GRB10: variants seen among roughly 807,000 people sequenced by gnomAD.
GRB10 encodes the protein growth factor receptor-bound protein 10.
Under a neutral mutation model 80.9 loss-of-function variants are expected in GRB10, and 20 were observed. The observed-to-expected ratio is 0.25, with a 90% CI of 0.17 to 0.36. The LOEUF is 0.36. GRB10 is among the 10% of genes least tolerant of loss of function. The pLI, the probability that GRB10 is intolerant of heterozygous loss-of-function variation, is 1.00. For synonymous variants in GRB10, 291 were observed against 291.5 expected (o/e 1.00, Z 0.02); for missense variants, 548 against 747.7 (o/e 0.73, Z 3.12).
rs573700376 is a variant in GRB10 at position 50,693,135 on chromosome 7, GAGACTAAA to G, written c.139+10678_139+10685del. On this transcript the variant is annotated intron_variant, in intron 5 of 18. Coordinates refer to ENST00000401949, the MANE Select transcript of GRB10 (RefSeq NM_001350814.2). ...CCCCAGTCAAAGAGCATTGCTGGAA[GAGACTAAA>G]AGACAGAAAAACAGCCAGCCCAAAG... Among the ~76,000 whole-genome samples, 314 of 152,302 alleles carry G rather than the reference GAGACTAAA, an allele frequency of 2.1e-3. 1 individual carries two copies. The highest frequency in any genetic ancestry group is 7.2e-3 in the African/African-American group (300 of 41,570).
chr7:50,664,300 C>T (rs1389456007), intron 7 of GRB10, among the ~76,000 whole-genome samples: 1 of 152,224 alleles, frequency 6.6e-6, no homozygotes, highest in African/African-American at 2.4e-5. Context: ...ACATGGCTCC[C>T]CTCAGCCTCT....
At chr7:50,629,814 G>C (rs553558125) in intron 7 of GRB10, among the ~76,000 whole-genome samples, 107 of 152,276 alleles carry the variant, frequency 7.0e-4, no homozygotes, top group African/African-American at 2.5e-3. Context: ...GCACTGCTGG[G>C]GGCTCAGGTC....
At chr7:50,763,898 A>G (rs2076050842) in intron 2 of GRB10, among the ~76,000 whole-genome samples, 2 of 152,184 alleles carry the variant, frequency 1.3e-5, no homozygotes, top group Non-Finnish European at 2.9e-5. Flanking sequence ...GGAGCCCATG[A>G]GGTGACACCA....
At chr7:50,747,965 T>C (rs910247475) in intron 3 of GRB10, among the ~76,000 whole-genome samples, 3 of 152,144 alleles carry the variant, frequency 2.0e-5, no homozygotes, top group African/African-American at 7.2e-5. Context: ...GCAGGAAGCA[T>C]ACCTGCAGGT....
rs1328543689 is a variant in GRB10 at position 50,747,101 on chromosome 7, C to T, written c.-47+8786G>A. ...CTCTCCAAAGCCCCAGTTTCTGCAG[C>T]GAAATTCTCTCTAAACTTATTTGAA... On this transcript the variant is annotated intron_variant, in intron 3 of 18. Transcript: ENST00000401949. Among the ~76,000 whole-genome samples, 6 of 152,184 alleles carry T rather than the reference C, an allele frequency of 3.9e-5. No individual in the cohort carries two copies. In the East Asian group the frequency reaches 5.8e-4, roughly 15 times the overall value.
chr7:50,789,271 T>C (rs1289374130), intron 1 of GRB10, among the ~76,000 whole-genome samples: 2 of 152,152 alleles, frequency 1.3e-5, no homozygotes, highest in Non-Finnish European at 2.9e-5. Flanking sequence ...TATAAATTAA[T>C]AGCAAGCAGG....
At chr7:50,732,791 G>A (rs2070071766) in intron 3 of GRB10, among the ~76,000 whole-genome samples, 1 of 152,100 alleles carries the variant, frequency 6.6e-6, no homozygotes, top group Non-Finnish European at 1.5e-5. Flanking sequence ...GTGTGTTTGG[G>A]GACAGGACCA....
At chr7:50,770,616 C>T (rs1014384407) in intron 2 of GRB10, among the ~76,000 whole-genome samples, 6 of 152,132 alleles carry the variant, frequency 3.9e-5, no homozygotes, top group Admixed American at 2.6e-4. Context: ...CCTTGCATTC[C>T]GTCGCGAATG....
chr7:50,605,199 C>G, intron 15 of GRB10, 91 bp downstream of exon 15: 1 of 960,050 alleles, frequency 1.0e-6, no homozygotes, highest in Non-Finnish European at 1.6e-6. Context: ...TCTTGCCAAC[C>G]CGCATAGAGC....
rs1007927127 is a variant in GRB10 at position 50,700,856 on chromosome 7, C to A, written c.139+2965G>T. ...GAAATAGATTGCTTAAAATTCAGTG[C>A]AACTTTCTATATACCGTCAACTTTT... On this transcript the variant is annotated intron_variant, in intron 5 of 18. Coordinates refer to ENST00000401949, the MANE Select transcript of GRB10 (RefSeq NM_001350814.2). 1.3e-5 allele frequency among the ~76,000 whole-genome samples: 2 copies of A among 152,174 alleles called. 1 individual carries two copies. The highest frequency in any genetic ancestry group is 2.9e-5 in the Non-Finnish European group (2 of 68,036).
chr7:50,698,110 C>T (rs529971932), intron 5 of GRB10, among the ~76,000 whole-genome samples: 3 of 152,254 alleles, frequency 2.0e-5, no homozygotes, highest in Admixed American at 2.0e-4. Context: ...TTGTAAACTG[C>T]CTGCTCATGT....
intron 2 of GRB10, among the ~76,000 whole-genome samples, chr7:50,767,306 C>A (rs1046480786): frequency 1.3e-5 from 2 of 152,166 alleles, no homozygotes; most frequent in Admixed American, 6.5e-5. Flanking sequence ...CAAAAGGACA[C>A]CTGGATCCTG....
chr7:50,676,772 G>A (rs572832827), intron 5 of GRB10, among the ~76,000 whole-genome samples: 1 of 151,226 alleles, frequency 6.6e-6, no homozygotes, highest in African/African-American at 2.4e-5. Context: ...GGGGTATGGA[G>A]TGGGCAGGGT....
At chr7:50,769,115 G>C (rs919440968) in intron 2 of GRB10, among the ~76,000 whole-genome samples, 1 of 152,118 alleles carries the variant, frequency 6.6e-6, no homozygotes, top group African/African-American at 2.4e-5. Flanking sequence ...CCATGATGAG[G>C]CTGTGTTCTA....
At chr7:50,612,665 G>A (rs2049781962) in intron 13 of GRB10, 76 bp downstream of exon 13, 1 of 909,444 alleles carries the variant, frequency 1.1e-6, no homozygotes, top group Non-Finnish European at 1.8e-6. Context: ...TTTCCTGCCA[G>A]AATAGACATC....
chr7:50,710,848 A>C, intron 4 of GRB10: 11 of 1,611,444 alleles, frequency 6.8e-6, no homozygotes, highest in Non-Finnish European at 8.5e-6. Context: ...AAAGGTACTG[A>C]GTGTTCGGTA....
chr7:50,657,630 C>T (rs1003584307), intron 7 of GRB10, among the ~76,000 whole-genome samples: 2 of 152,132 alleles, frequency 1.3e-5, no homozygotes, highest in Admixed American at 6.5e-5. Flanking sequence ...AAGATGACAG[C>T]GAAGATGCTA....
intron 3 of GRB10, among the ~76,000 whole-genome samples, chr7:50,752,330 A>G (rs1191593078): frequency 6.6e-6 from 1 of 152,218 alleles, no homozygotes; most frequent in Non-Finnish European, 1.5e-5. Flanking sequence ...AGGCTGAGGC[A>G]ACATCAAGGT....
At chr7:50,709,634 GAGGC>G (rs1219283207) in intron 4 of GRB10, among the ~76,000 whole-genome samples, 1 of 146,430 alleles carries the variant, frequency 6.8e-6, no homozygotes, top group African/African-American at 2.5e-5. Context: ...CTGGCTAACA[GAGGC>G]AGGTGGCTTA....
Sources: allele counts gnomAD v4.1 joint callset (sites outside exome capture counted in the v4.1 genomes callset), GRCh38; gene constraint gnomAD v4.1.1; transcripts MANE v1.5; gene names NCBI Gene and HGNC (gene_info 2026-07-23, HGNC 2026-07-21).